The following PAPPA variants were observed in gnomAD, a reference collection of about 807,000 sequenced individuals.
PAPPA encodes pappalysin 1, also known as pappalysin-1.
PAPPA carries 60 observed loss-of-function variants against 164.0 expected under a neutral mutation model. The ratio of observed to expected loss-of-function variants is 0.37; its 90% confidence interval spans 0.30 to 0.45. PAPPA has a LOEUF of 0.45. Among genes scored for constraint, PAPPA ranks in the 20% least tolerant of loss-of-function variants. The pLI, the probability that PAPPA is intolerant of heterozygous loss-of-function variation, is 1.00. For missense variants in PAPPA, 1,782 were observed against 2,087.3 expected, an observed-to-expected ratio of 0.85 and a Z score of 2.85; for synonymous variants, 875 against 814.1, an observed-to-expected ratio of 1.07 and a Z score of -1.27.
Position 116,220,037 on chromosome 9 carries a change from G to T in PAPPA, c.2019G>T (p.Ala673=), listed in dbSNP as rs748775815. Residue 673 remains alanine, a synonymous_variant, in exon 5 of 22, where the codon GCG becomes GCT. Coordinates refer to ENST00000328252, the MANE Select transcript of PAPPA (RefSeq NM_002581.5). ...GCTGGCAGCCCTCCAGGAAACCAGCGCCTGTTGCCCTCGCCCCCCAAGTTC... is the reference window on the plus strand; with the variant it reads ...GCTGGCAGCCCTCCAGGAAACCAGCTCCTGTTGCCCTCGCCCCCCAAGTTC... The part of the protein sequence containing the change: ...YQGWQPSRKP[A]PVALAPQVLG... The T allele has an allele frequency of 2.5e-6, 4 of 1,614,118 alleles. No individual in the cohort carries two copies. The South Asian group carries it at 3.3e-5, about 13-fold the overall frequency.
At chr9:116,261,601 G>T (rs1845002067) in intron 7 of PAPPA, among the ~76,000 whole-genome samples, 1 of 152,074 alleles carries the variant, frequency 6.6e-6, no homozygotes, top group South Asian at 2.1e-4. Flanking sequence ...TTTAATTTAT[G>T]CATTTTAAAT....
intron 2 of PAPPA, among the ~76,000 whole-genome samples, chr9:116,198,061 A>T (rs1414942611): frequency 2.0e-5 from 3 of 152,220 alleles, no homozygotes; most frequent in Non-Finnish European, 4.4e-5. Flanking sequence ...AGCATAAGAC[A>T]AATCACAGGG....
Position 116,295,553 on chromosome 9 carries a change from CA to C in PAPPA, c.2954-7187del, listed in dbSNP as rs56171405. Among the ~76,000 whole-genome samples the C allele has an allele frequency of 9.3e-3, 1,063 of 114,694 alleles. 15 individuals carry two copies. The highest frequency in any genetic ancestry group is 0.035 in the African/African-American group (992 of 28,176). 75.2% of individuals were successfully genotyped at this position (114,694 alleles called of 152,430 possible). A position where few individuals can be genotyped will look rare whatever the true frequency, so the allele number is the denominator to read the frequency against. On this transcript the variant is annotated intron_variant, in intron 9 of 21. Coordinates refer to ENST00000328252, the MANE Select transcript of PAPPA (RefSeq NM_002581.5). ...TGGGCAACAGAGCGAGACTCGGTCT[CA>C]AAAAAAAAAAAAAAAAGAAAAGAAA...
chr9:116,268,800 T>G lies in PAPPA; in HGVS notation c.2862-2525T>G, dbSNP rs1333488976. 3.5e-5 allele frequency among the ~76,000 whole-genome samples: 5 copies of G among 141,968 alleles called. No homozygotes were observed. The Admixed American group carries it at 3.7e-4, about 11-fold the overall frequency. 93.1% of individuals were successfully genotyped at this position (141,968 alleles called of 152,430 possible). On this transcript the variant is annotated intron_variant, in intron 8 of 21. Coordinates refer to ENST00000328252, the MANE Select transcript of PAPPA (RefSeq NM_002581.5). ...GATATCAAATATTTGTTGATATACT[T>G]TGTAGAAAACTAAATTTAGCTTATG... is the stretch of plus-strand genomic sequence containing the variant.
chr9:116,360,211 C>T (rs1299660432), intron 17 of PAPPA, among the ~76,000 whole-genome samples: 2 of 152,228 alleles, frequency 1.3e-5, no homozygotes, highest in South Asian at 2.1e-4. Context: ...GGTCAATTTC[C>T]TACTCCCCAG....
At chr9:116,369,709 G>T (rs982074355) in intron 19 of PAPPA, among the ~76,000 whole-genome samples, 16 of 152,044 alleles carry the variant, frequency 1.1e-4, no homozygotes, top group African/African-American at 3.9e-4. Flanking sequence ...ATGATTCACT[G>T]TGAAATAAAT....
intron 9 of PAPPA, among the ~76,000 whole-genome samples, chr9:116,294,933 GA>G (rs1845482848): frequency 1.3e-5 from 2 of 152,140 alleles, no homozygotes; most frequent in Admixed American, 6.5e-5. Context: ...TTATTTGCAA[GA>G]AATTTAGAAA....
chr9:116,293,945 T>G (rs1171433112), intron 9 of PAPPA, among the ~76,000 whole-genome samples: 2 of 152,118 alleles, frequency 1.3e-5, no homozygotes, highest in African/African-American at 4.8e-5. Flanking sequence ...AGCAAAACTC[T>G]GTCTCAAAAT....
intron 6 of PAPPA, among the ~76,000 whole-genome samples, chr9:116,232,494 G>A (rs1270352823): frequency 6.6e-5 from 10 of 152,154 alleles, no homozygotes; most frequent in South Asian, 6.2e-4. Flanking sequence ...AGCCTGGCAC[G>A]CTGCCTGGAC....
Position 116,252,784 on chromosome 9 carries a change from G to A in PAPPA, c.2733-13073G>A, listed in dbSNP as rs538721516. On this transcript the variant is annotated intron_variant, in intron 7 of 21. Transcript: ENST00000328252. The stretch of plus-strand genomic sequence containing the variant: ...GCTCACTCCACCCAACCATTTTAGC[G>A]AAACGTTTCCACTTCCTTTGGTATA... 1.8e-4 allele frequency among the ~76,000 whole-genome samples: 27 copies of A among 152,254 alleles called. No individual in the cohort carries two copies. In the South Asian group the frequency reaches 3.7e-3, roughly 21 times the overall value.
intron 21 of PAPPA, among the ~76,000 whole-genome samples, chr9:116,393,896 A>G (rs12002763): frequency 0.052 from 7,993 of 152,264 alleles, 711 homozygotes; most frequent in African/African-American, 0.18. Context: ...AAATCAGATC[A>G]TGCAAGGCCT....
intron 21 of PAPPA, among the ~76,000 whole-genome samples, chr9:116,387,623 C>A (rs1846833120): frequency 6.6e-6 from 1 of 152,246 alleles, no homozygotes; most frequent in East Asian, 1.9e-4. Context: ...GATCCTCCAG[C>A]CTCAGCTTCC....
At chr9:116,266,727 A>G (rs901719771) in intron 8 of PAPPA, among the ~76,000 whole-genome samples, 2 of 152,214 alleles carry the variant, frequency 1.3e-5, no homozygotes, top group African/African-American at 4.8e-5. Flanking sequence ...AACTCAATAA[A>G]TAAACTTTTA....
At chr9:116,355,022 G>C (rs1347596584) in intron 17 of PAPPA, among the ~76,000 whole-genome samples, 1 of 152,068 alleles carries the variant, frequency 6.6e-6, no homozygotes, top group Non-Finnish European at 1.5e-5. Context: ...ATTTAGCCCA[G>C]GCACCCTTTC....
intron 13 of PAPPA, among the ~76,000 whole-genome samples, chr9:116,335,753 C>T (rs965089641): frequency 6.6e-6 from 1 of 152,166 alleles, no homozygotes. Flanking sequence ...CACATTACCA[C>T]TTCTTGAATG....
chr9:116,325,908 G>A (rs182143556), intron 10 of PAPPA, among the ~76,000 whole-genome samples: 3 of 152,272 alleles, frequency 2.0e-5, no homozygotes, highest in Admixed American at 6.5e-5. Context: ...GTATATTGCC[G>A]TGCAAGATAC....
chr9:116,155,958 G>A, intron 1 of PAPPA, among the ~76,000 whole-genome samples: 1 of 150,914 alleles, frequency 6.6e-6, no homozygotes, highest in African/African-American at 2.4e-5. Flanking sequence ...CTTTTAACTC[G>A]CAAGCCCTAT....
chr9:116,224,258 A>G (rs954792590), intron 5 of PAPPA, among the ~76,000 whole-genome samples: 2 of 152,148 alleles, frequency 1.3e-5, no homozygotes, highest in African/African-American at 4.8e-5. Context: ...TAACTCCTTT[A>G]TTTTTATCTG....
intron 1 of PAPPA, among the ~76,000 whole-genome samples, chr9:116,177,444 T>G (rs1432992033): frequency 6.6e-6 from 1 of 152,236 alleles, no homozygotes; most frequent in Admixed American, 6.5e-5. Flanking sequence ...TGTGCTGGCC[T>G]GGAAATATGA....
Sources: allele counts gnomAD v4.1 joint callset (sites outside exome capture counted in the v4.1 genomes callset), GRCh38; gene constraint gnomAD v4.1.1; transcripts MANE v1.5; gene names NCBI Gene and HGNC (gene_info 2026-07-23, HGNC 2026-07-21).